Variants in ANO3 observed in about 807,000 individuals in gnomAD.
The protein encoded by ANO3 is anoctamin-3.
ANO3 carries 99 observed loss-of-function variants against 144.8 expected under a neutral mutation model. The ratio of observed to expected loss-of-function variants is 0.68; its 90% CI spans 0.58 to 0.81. The LOEUF (loss-of-function observed/expected upper bound fraction) is 0.81. Ranked by LOEUF, ANO3 falls within the 30% of genes least tolerant of loss-of-function variation. The pLI is 0.00. For missense variants in ANO3, 905 were observed against 1,202.2 expected (o/e 0.75, Z 3.66); for synonymous variants, 414 against 392.6 (o/e 1.05, Z -0.64).
intron 18 of ANO3, among the ~76,000 whole-genome samples, chr11:26,631,240 T>C (rs138101786): frequency 6.6e-5 from 10 of 152,238 alleles, no homozygotes; most frequent in Non-Finnish European, 7.4e-5. Flanking sequence ...ATATTACATG[T>C]TCAAGAATCA....
Position 26,516,848 on chromosome 11 carries a change from A to G in ANO3, c.613A>G (p.Ile205Val), listed in dbSNP as rs375180741. The G allele has an allele frequency of 8.1e-6, 13 of 1,611,306 alleles. No homozygotes were observed. The highest frequency in any genetic ancestry group is 1.0e-5 in the Non-Finnish European group (12 of 1,178,084). ...EKEPAIASPD[I>V]MFIKIHIPWD... ...GCAGCCAGCTATTGCAAGCCCCGAT[A>G]TCATGTTTATTAAAATTCACATTCC... The change falls in exon 6 of 27, where the codon ATC becomes GTC. Residue 205 changes from isoleucine (I) to valine (V), a missense_variant. Physicochemically the swap from Ile to Val is conservative, Grantham distance 29. Transcript: ENST00000256737.
chr11:26,325,316 A>AT (rs1163618664), intron 1 of ANO3, among the ~76,000 whole-genome samples: 1 of 152,132 alleles, frequency 6.6e-6, no homozygotes, highest in African/African-American at 2.4e-5. Flanking sequence ...TCCAGTGTAT[A>AT]TTTGTTAACT....
At chr11:26,391,659 G>GCAGAA (rs1209393209) in intron 1 of ANO3, among the ~76,000 whole-genome samples, 1 of 151,904 alleles carries the variant, frequency 6.6e-6, no homozygotes, top group African/African-American at 2.4e-5. Context: ...CAATCTCTGT[G>GCAGAA]GATCTCTTAT....
upstream of ANO3, chr11:26,331,325 C>G (rs1485417520): frequency 1.3e-5 from 2 of 152,136 alleles, no homozygotes; most frequent in African/African-American, 4.8e-5. Context: ...GTACCACGAA[C>G]TTAAAATACA....
intron 1 of ANO3, among the ~76,000 whole-genome samples, chr11:26,326,913 T>C (rs1169053104): frequency 3.9e-5 from 6 of 152,176 alleles, no homozygotes; most frequent in Non-Finnish European, 5.9e-5. Flanking sequence ...TAAGAGCTTA[T>C]AAAGTTGGGC....
intron 1 of ANO3, among the ~76,000 whole-genome samples, chr11:26,380,753 G>A (rs145662573): frequency 6.5e-4 from 99 of 152,190 alleles, no homozygotes; most frequent in Non-Finnish European, 1.0e-3. Context: ...AGGCTGAAGC[G>A]GGTGGATAAC....
At chr11:26,304,309 T>C (rs1854312444) in intron 1 of ANO3, among the ~76,000 whole-genome samples, 1 of 152,194 alleles carries the variant, frequency 6.6e-6, no homozygotes. Context: ...GATTGTCCTC[T>C]ACATAATGCT....
chr11:26,444,154 G>T (rs1215171386), intron 3 of ANO3, among the ~76,000 whole-genome samples: 1 of 152,106 alleles, frequency 6.6e-6, no homozygotes, highest in Non-Finnish European at 1.5e-5. Flanking sequence ...TCAGAATTTA[G>T]AATGTTAGTA....
At chr11:26,291,981 C>T (rs1199077507) in intron 1 of ANO3, among the ~76,000 whole-genome samples, 1 of 152,122 alleles carries the variant, frequency 6.6e-6, no homozygotes, top group African/African-American at 2.4e-5. Flanking sequence ...GGAAGTTCTC[C>T]CGGGTAATAT....
intron 17 of ANO3, among the ~76,000 whole-genome samples, chr11:26,608,139 T>A (rs931227039): frequency 4.6e-5 from 7 of 152,232 alleles, no homozygotes; most frequent in Middle Eastern, 3.2e-3. Context: ...TTTGTTGTTG[T>A]TGATACTGTC....
intron 11 of ANO3, among the ~76,000 whole-genome samples, chr11:26,543,786 A>T (rs1359477159): frequency 6.6e-6 from 1 of 151,900 alleles, no homozygotes; most frequent in African/African-American, 2.4e-5. Flanking sequence ...AAGGACATGA[A>T]CTCATCCTTT....
chr11:26,501,492 G>A (rs890963893), intron 4 of ANO3, among the ~76,000 whole-genome samples: 1 of 152,144 alleles, frequency 6.6e-6, no homozygotes, highest in African/African-American at 2.4e-5. Flanking sequence ...TCCACACTGG[G>A]AAAGAGTGTC....
At chr11:26,525,896 C>A (rs1201623614) in intron 7 of ANO3, among the ~76,000 whole-genome samples, 2 of 151,992 alleles carry the variant, frequency 1.3e-5, no homozygotes, top group African/African-American at 2.4e-5. Flanking sequence ...TTGGAATCTT[C>A]CCATGTTATA....
At chr11:26,557,195 C>T (rs181447979) in intron 13 of ANO3, among the ~76,000 whole-genome samples, 24 of 152,238 alleles carry the variant, frequency 1.6e-4, no homozygotes, top group Middle Eastern at 3.4e-3. Context: ...GGCGCGGTGG[C>T]TCACACCAGT....
At chr11:26,535,773 C>T (rs189554363) in intron 9 of ANO3, among the ~76,000 whole-genome samples, 213 of 151,106 alleles carry the variant, frequency 1.4e-3, no homozygotes, top group African/African-American at 4.7e-3. Flanking sequence ...TTAGTAGACA[C>T]GGGGTTTCAC....
intron 1 of ANO3, among the ~76,000 whole-genome samples, chr11:26,191,817 A>AT (rs948827124): frequency 2.0e-5 from 3 of 151,886 alleles, no homozygotes; most frequent in Non-Finnish European, 2.9e-5. Context: ...GTGTAAAGGG[A>AT]TTTTTTTTCC....
chr11:26,441,999 G>T lies in ANO3; in HGVS notation c.128G>T (p.Ser43Ile), dbSNP rs767179720. ...AGATCCCTGCCTTGCCTCGCCCAGA[G>T]CTACGCTTACTCAAAGAGCTTGAGC... ...SRRSLPCLAQ[S>I]YAYSKSLSQS... Residue 43 changes from serine (S) to isoleucine (I), a missense_variant, in exon 2 of 27, where the codon AGC becomes ATC. Coordinates refer to ENST00000256737, the MANE Select transcript of ANO3 (RefSeq NM_031418.4). 1 of 1,613,990 alleles carries T rather than the reference G, an allele frequency of 6.2e-7. No homozygotes were observed. The highest frequency in any genetic ancestry group is 8.5e-7 in the Non-Finnish European group (1 of 1,180,002).
chr11:26,597,357 G>A (rs928060505), intron 14 of ANO3, among the ~76,000 whole-genome samples: 1 of 152,182 alleles, frequency 6.6e-6, no homozygotes, highest in African/African-American at 2.4e-5. Flanking sequence ...AGGAACCATG[G>A]AACCCAGTGA....
intron 1 of ANO3, among the ~76,000 whole-genome samples, chr11:26,296,195 G>A (rs1287875595): frequency 6.6e-6 from 1 of 152,186 alleles, no homozygotes; most frequent in Non-Finnish European, 1.5e-5. Context: ...ATATGAAAAT[G>A]TTCTTGCTAC....
Sources: gnomAD v4.1 joint callset for allele counts (sites outside exome capture counted in the v4.1 genomes callset) on GRCh38, gnomAD v4.1.1 for gene constraint, MANE v1.5 for transcripts, NCBI Gene and HGNC (gene_info 2026-07-23, HGNC 2026-07-21) for gene names.